SP100: variants seen among roughly 807,000 people sequenced by gnomAD.
SP100 encodes the protein SP100 nuclear body protein, also known as nuclear autoantigen Sp-100.
Under a neutral mutation model 130.0 loss-of-function variants are expected in SP100, and 84 were observed. The ratio of observed to expected loss-of-function variants is 0.65; its 90% CI spans 0.54 to 0.77. SP100 has a LOEUF of 0.77. Among genes scored for constraint, SP100 ranks in the 30% least tolerant of loss-of-function variants. SP100 has a pLI of 0.00. For synonymous variants in SP100, 331 were observed against 351.7 expected (o/e 0.94, Z 0.66); for missense variants, 978 against 1,052.2 (o/e 0.93, Z 0.97).
chr2:230,520,201 G>A (rs1459995826), intron 24 of SP100, among the ~76,000 whole-genome samples: 2 of 152,112 alleles, frequency 1.3e-5, no homozygotes, highest in African/African-American at 4.8e-5. Context: ...TAACAGTGTG[G>A]GGATTTTCCT....
At chr2:230,469,906 C>T in intron 14 of SP100, 109 bp from the exon 15 acceptor site, 1 of 1,505,932 alleles carries the variant, frequency 6.6e-7, no homozygotes, top group South Asian at 1.3e-5. Flanking sequence ...GGGACTATTT[C>T]TCCCCCTCCT....
intron 8 of SP100, among the ~76,000 whole-genome samples, chr2:230,450,778 GGTT>G (rs1349240515): frequency 6.6e-6 from 1 of 152,162 alleles, no homozygotes; most frequent in Non-Finnish European, 1.5e-5. Flanking sequence ...CCAGGTTCAT[GGTT>G]GTTGTTGCAA....
chr2:230,436,885 C>CACATATGTGTATACACACAT (rs1559486381), intron 2 of SP100, among the ~76,000 whole-genome samples: 1 of 91,320 alleles, frequency 1.1e-5, no homozygotes, highest in African/African-American at 4.3e-5. Flanking sequence ...TATACACACA[C>CACATATGTGTATACACACAT]ATATATGTGT....
Position 230,470,118 on chromosome 2 carries a change from C to G in SP100, c.1429+20C>G, listed in dbSNP as rs1207224211. 6.3e-7 allele frequency: 1 copy of G among 1,595,034 alleles called. No homozygotes were observed. Among genetic ancestry groups the G allele is most frequent in the Non-Finnish European group, 8.5e-7 (1 of 1,170,364 alleles). On this transcript the variant is annotated intron_variant, in intron 15 of 28. Coordinates refer to ENST00000340126, the MANE Select transcript of SP100 (RefSeq NM_001080391.2). ...GGTCAGGTAAAGAAGATTAGGATGC[C>G]AAGACTTGGCCTGCAGAATGTCAGG...
chr2:230,539,475 G>A lies in SP100; in HGVS notation c.2210+93G>A, dbSNP rs1692079722. The A allele has an allele frequency of 8.6e-6, 7 of 812,834 alleles. No individual in the cohort carries two copies. In the South Asian group the frequency reaches 1.1e-4, roughly 12 times the overall value. The allele number at this position is 812,834 out of a possible 1,614,324, so 50.4% of individuals were successfully genotyped here. A position where few individuals can be genotyped will look rare whatever the true frequency, so the allele number is the denominator to read the frequency against. ...AGTACTCTGCAGAGTTTCTGTACCT[G>A]GTTATGTGTTTCTTGATGCATAAGG... On this transcript the variant is annotated intron_variant, in intron 25 of 28. Coordinates refer to ENST00000340126, the MANE Select transcript of SP100 (RefSeq NM_001080391.2).
Position 230,449,070 on chromosome 2 carries a change from C to A in SP100, c.524-18C>A, listed in dbSNP as rs755967654. The stretch of plus-strand genomic sequence containing the variant: ...ATACCTCGATTTCTGAAATAAACTT[C>A]TAATTTCTTCCTGCCAGGAACTGGT... On this transcript the variant is annotated intron_variant, in intron 5 of 28. Transcript: ENST00000340126. The A allele has an allele frequency of 6.8e-7, 1 of 1,465,022 alleles. No homozygotes were observed. The highest frequency in any genetic ancestry group is 1.4e-5 in the African/African-American group (1 of 72,134). 90.8% of individuals were successfully genotyped at this position (1,465,022 alleles called of 1,614,324 possible).
At chr2:230,469,486 C>G (rs757432079) in intron 14 of SP100, 8 of 462,880 alleles carry the variant, frequency 1.7e-5, no homozygotes, top group African/African-American at 1.6e-4. Flanking sequence ...GCCTAAGAAG[C>G]GTAAGAAACA....
At chr2:230,536,005 T>C (rs372739174) in intron 24 of SP100, among the ~76,000 whole-genome samples, 1 of 149,400 alleles carries the variant, frequency 6.7e-6, no homozygotes, top group Non-Finnish European at 1.5e-5. Context: ...TTGACTGAAA[T>C]GGCCTTGTGA....
chr2:230,470,038 G>A lies in SP100; in HGVS notation c.1369G>A (p.Asp457Asn). The change falls in exon 15 of 29, where the codon GAC becomes AAC. Residue 457 changes from aspartate to asparagine, a missense_variant. By Grantham distance (23) the Asp-to-Asn change is conservative. Transcript: ENST00000340126. ...KRRFSSSDFSDLSNGEELQET... is the reference protein window; with the variant it reads ...KRRFSSSDFSNLSNGEELQET... ...AGGTTTCAGCAGTAGTGACTTTTCA[G>A]ACCTGAGTAATGGAGAAGAGCTTCA... 1 of 1,612,694 alleles carries A rather than the reference G, an allele frequency of 6.2e-7. No individual in the cohort carries two copies. Among genetic ancestry groups the A allele is most frequent in the Non-Finnish European group, 8.5e-7 (1 of 1,179,298 alleles).
At chr2:230,488,518 A>G (rs1251962151) in intron 17 of SP100, among the ~76,000 whole-genome samples, 2 of 152,120 alleles carry the variant, frequency 1.3e-5, no homozygotes, top group African/African-American at 4.8e-5. Flanking sequence ...GGTTCACGGC[A>G]TTCTCCCACC....
intron 24 of SP100, among the ~76,000 whole-genome samples, 178 bp downstream of exon 24, chr2:230,511,344 C>T (rs1439980112): frequency 2.0e-5 from 3 of 152,156 alleles, no homozygotes; most frequent in African/African-American, 4.8e-5. Context: ...AGTGCAAAAG[C>T]AGCCTTTTGT....
chr2:230,488,506 C>G (rs1469446403), intron 17 of SP100, among the ~76,000 whole-genome samples: 1 of 152,114 alleles, frequency 6.6e-6, no homozygotes, highest in Non-Finnish European at 1.5e-5. Flanking sequence ...CTCCGCCTCC[C>G]AGGTTCACGG....
chr2:230,517,775 A>AT (rs1316323461), intron 24 of SP100, among the ~76,000 whole-genome samples: 2 of 152,032 alleles, frequency 1.3e-5, no homozygotes, highest in African/African-American at 4.8e-5. Context: ...AAAAAAAAAA[A>AT]AAGTTTTAAA....
At chr2:230,482,821 A>G (rs2065898234) in intron 17 of SP100, among the ~76,000 whole-genome samples, 1 of 152,204 alleles carries the variant, frequency 6.6e-6, no homozygotes, top group Non-Finnish European at 1.5e-5. Flanking sequence ...AATATCAGGT[A>G]GGGTAAGTTC....
Position 230,542,025 on chromosome 2 carries a change from A to G in SP100, c.2537A>G (p.Glu846Gly). 1 of 1,613,944 alleles carries G rather than the reference A, an allele frequency of 6.2e-7. No homozygotes were observed. The highest frequency in any genetic ancestry group is 1.3e-5 in the African/African-American group (1 of 74,998). ...CGTCTCATCTTTCATAACCACAAGG[A>G]ATTTTACAGGGTGAGTGGCTCTCCC... is the stretch of plus-strand genomic sequence containing the variant. Reference protein sequence around the residue: ...DMRLIFHNHKEFYREDKFTRL... With the variant: ...DMRLIFHNHKGFYREDKFTRL... Residue 846 changes from glutamate (E) to glycine (G), a missense_variant, in exon 28 of 29, where the codon GAA (glutamate) becomes GGA (glycine). Coordinates refer to ENST00000340126, the MANE Select transcript of SP100 (RefSeq NM_001080391.2).
chr2:230,484,465 T>C (rs1221753414), intron 17 of SP100, among the ~76,000 whole-genome samples: 1 of 152,204 alleles, frequency 6.6e-6, no homozygotes, highest in Non-Finnish European at 1.5e-5. Flanking sequence ...AATTTATAAA[T>C]AAACATAGGG....
intron 22 of SP100, 122 bp downstream of exon 22, chr2:230,506,567 T>C (rs1474232138): frequency 1.1e-6 from 1 of 940,830 alleles, no homozygotes; most frequent in Non-Finnish European, 1.6e-6. Context: ...CAGGTCTCCA[T>C]GCATATGTTA....
At chr2:230,518,736 A>G (rs1405236465) in intron 24 of SP100, among the ~76,000 whole-genome samples, 1 of 152,106 alleles carries the variant, frequency 6.6e-6, no homozygotes, top group Non-Finnish European at 1.5e-5. Flanking sequence ...CTGTCAACCA[A>G]TTTTATAGCC....
intron 5 of SP100, among the ~76,000 whole-genome samples, chr2:230,447,998 T>G (rs768296915): frequency 3.3e-5 from 5 of 152,240 alleles, no homozygotes; most frequent in Non-Finnish European, 5.9e-5. Context: ...GGGGTTGTTA[T>G]GAATAACAGA....
Sources: allele counts gnomAD v4.1 joint callset (sites outside exome capture counted in the v4.1 genomes callset), GRCh38; gene constraint gnomAD v4.1.1; transcripts MANE v1.5; gene names NCBI Gene and HGNC (gene_info 2026-07-23, HGNC 2026-07-21).